The following RIPK2 variants were observed in gnomAD, a reference collection of about 807,000 sequenced individuals.
The protein encoded by RIPK2 is receptor interacting serine/threonine kinase 2.
Under a neutral mutation model 60.9 loss-of-function variants are expected in RIPK2, and 38 were observed. The observed-to-expected ratio is 0.62, with a 90% confidence interval of 0.48 to 0.82. RIPK2 has a LOEUF of 0.82. Ranked by LOEUF, RIPK2 falls within the 40% of genes least tolerant of loss-of-function variation. The pLI is 0.00. For synonymous variants in RIPK2, 225 were observed against 223.4 expected (o/e 1.01, Z -0.06); for missense variants, 518 against 647.0 (o/e 0.80, Z 2.16).
chr8:89,760,313 T>C (rs1444836906), intron 1 of RIPK2, among the ~76,000 whole-genome samples: 1 of 152,200 alleles, frequency 6.6e-6, no homozygotes, highest in South Asian at 2.1e-4. Flanking sequence ...ATCCGATGAG[T>C]GGACCTTCCC....
intron 3 of RIPK2, 52 bp from the exon 4 acceptor site, chr8:89,769,720 T>C: frequency 9.7e-6 from 13 of 1,344,914 alleles, no homozygotes; most frequent in Admixed American, 7.6e-5. Flanking sequence ...TAGTTGACTT[T>C]TGGACTTTTT....
At chr8:89,767,154 C>T (rs114055880) in intron 3 of RIPK2, among the ~76,000 whole-genome samples, 1 of 151,696 alleles carries the variant, frequency 6.6e-6, no homozygotes, top group African/African-American at 2.4e-5. Context: ...TGTGATCCAC[C>T]TTGAATTCAT....
rs1055051598 is a variant in RIPK2, at chr8:89,790,205, A to G, written c.1412A>G (p.Lys471Arg). The change falls in exon 11 of 11, where the codon AAA becomes AGA. Residue 471 changes from lysine (K) to arginine (R), a missense_variant. Transcript: ENST00000220751. ...CTTCTGTCCAGGGACTTGATCATGAAAGAGGACTATGAACTTGTTAGTACC... is the reference window on the plus strand; with the variant it reads ...CTTCTGTCCAGGGACTTGATCATGAGAGAGGACTATGAACTTGTTAGTACC... ...DALLSRDLIM[K>R]EDYELVSTKP... 3.9e-5 allele frequency: 63 copies of G among 1,614,020 alleles called. No homozygotes were observed. The highest frequency in any genetic ancestry group is 5.3e-5 in the Non-Finnish European group (62 of 1,180,006).
rs909079917 is a variant in RIPK2, at chr8:89,757,995, G to T, written c.-66G>T. On this transcript the variant is annotated 5_prime_UTR_variant, in exon 1 of 11. Transcript: ENST00000220751. ...GGGCGTATCTGGGCGCCTGAGCGCG[G>T]CGTGGGAGCCTTGGGAGCCGCCGCA... 3.4e-6 allele frequency: 5 copies of T among 1,467,240 alleles called. No individual in the cohort carries two copies. The African/African-American group carries it at 7.1e-5, about 21-fold the overall frequency. The allele number at this position is 1,467,240 out of a possible 1,614,324, so 90.9% of individuals were successfully genotyped here.
At chr8:89,764,432 G>A (rs1185342825) in intron 2 of RIPK2, among the ~76,000 whole-genome samples, 1 of 152,154 alleles carries the variant, frequency 6.6e-6, no homozygotes, top group Non-Finnish European at 1.5e-5. Context: ...TGACGCATTT[G>A]CAGAAAAACT....
chr8:89,781,354 A>ATTTTTTTTTTTC (rs1161497561), intron 7 of RIPK2, among the ~76,000 whole-genome samples: 36 of 144,038 alleles, frequency 2.5e-4, no homozygotes, highest in Admixed American at 1.9e-3. Context: ...AATAGATTGA[A>ATTTTTTTTTTTC]TTTTTTTTTT....
intron 1 of RIPK2, among the ~76,000 whole-genome samples, chr8:89,761,178 T>C (rs1809138841): frequency 6.6e-6 from 1 of 152,342 alleles, no homozygotes; most frequent in South Asian, 2.1e-4. Context: ...AAAGTAGTCC[T>C]CTTAGTCTGG....
Position 89,786,698 on chromosome 8 carries a change from T to C in RIPK2, c.1123+12T>C. 7.0e-7 allele frequency: 1 copy of C among 1,418,784 alleles called. No homozygotes were observed. The highest frequency in any genetic ancestry group is 9.8e-7 in the Non-Finnish European group (1 of 1,021,866). The allele number at this position is 1,418,784 out of a possible 1,614,324, so 87.9% of individuals were successfully genotyped here. A position where few individuals can be genotyped will look rare whatever the true frequency, so the allele number is the denominator to read the frequency against. The stretch of plus-strand genomic sequence containing the variant: ...TGATTTTTTATCTAGTATGTAGATT[T>C]TCCAATCATTATTTACTTGCAAGTT... On this transcript the variant is annotated intron_variant, in intron 9 of 10. Transcript: ENST00000220751.
At chr8:89,767,944 T>G (rs1586120744) in intron 3 of RIPK2, among the ~76,000 whole-genome samples, 1 of 151,784 alleles carries the variant, frequency 6.6e-6, no homozygotes. Flanking sequence ...TGGTGCTATG[T>G]AGATGCATCA....
At chr8:89,770,306 A>T (rs1031136391) in intron 4 of RIPK2, among the ~76,000 whole-genome samples, 1 of 151,830 alleles carries the variant, frequency 6.6e-6, no homozygotes, top group African/African-American at 2.4e-5. Context: ...ATCTTTTTAG[A>T]TAAATAGACA....
At chr8:89,770,500 T>C (rs1158647081) in intron 4 of RIPK2, among the ~76,000 whole-genome samples, 2 of 151,978 alleles carry the variant, frequency 1.3e-5, no homozygotes, top group Non-Finnish European at 1.5e-5. Flanking sequence ...ACTGGTTATT[T>C]AACCAGAATA....
At chr8:89,776,983 A>C (rs755035964) in intron 6 of RIPK2, among the ~76,000 whole-genome samples, 1 of 152,198 alleles carries the variant, frequency 6.6e-6, no homozygotes, top group African/African-American at 2.4e-5. Context: ...TCCTGCCTTG[A>C]GAGTTTCTAG....
Position 89,790,219 on chromosome 8 carries a change from C to T in RIPK2, c.1426C>T (p.Leu476Phe), listed in dbSNP as rs1214686090. 1.2e-6 allele frequency: 2 copies of T among 1,613,926 alleles called. No homozygotes were observed. The highest frequency in any genetic ancestry group is 3.3e-5 in the Admixed American group (2 of 59,990). ...CTTGATCATGAAAGAGGACTATGAA[C>T]TTGTTAGTACCAAGCCTACAAGGAC... ...RDLIMKEDYELVSTKPTRTSK... is the reference protein window; with the variant it reads ...RDLIMKEDYEFVSTKPTRTSK... The change falls in exon 11 of 11, where the codon CTT becomes TTT. Residue 476 changes from leucine to phenylalanine, a missense_variant. Leu to Phe is a conservative substitution (Grantham distance 22). Coordinates refer to ENST00000220751, the MANE Select transcript of RIPK2 (RefSeq NM_003821.6).
rs1809636855 is a variant in RIPK2, at chr8:89,789,328, T to C, written c.1131T>C (p.Ala377=). Residue 377 remains alanine, a synonymous_variant, in exon 10 of 11, where the codon GCT becomes GCC. Transcript: ENST00000220751. The part of the protein sequence containing the change: ...PQDNDFLSRK[A]QDCYFMKLHH... ...AGATGTTGTATTTTGTAGGAAAAGCTCAAGACTGTTATTTTATGAAGCTGC... is the reference window on the plus strand; with the variant it reads ...AGATGTTGTATTTTGTAGGAAAAGCCCAAGACTGTTATTTTATGAAGCTGC... The C allele has an allele frequency of 6.2e-7, 1 of 1,613,674 alleles. No individual in the cohort carries two copies. The highest frequency in any genetic ancestry group is 1.7e-5 in the Admixed American group (1 of 59,946).
intron 1 of RIPK2, among the ~76,000 whole-genome samples, chr8:89,759,810 A>G (rs917146957): frequency 6.6e-6 from 1 of 152,230 alleles, no homozygotes; most frequent in Non-Finnish European, 1.5e-5. Flanking sequence ...TGATGGACCC[A>G]TTAGGTATTG....
intron 6 of RIPK2, among the ~76,000 whole-genome samples, chr8:89,774,093 T>A (rs1248544816): frequency 6.6e-6 from 1 of 151,898 alleles, no homozygotes; most frequent in Non-Finnish European, 1.5e-5. Context: ...AAGACCTCAT[T>A]TCCAAGAAGG....
At position 89,762,920 on chromosome 8, in the gene RIPK2, G is replaced by A; in HGVS notation, c.265G>A (p.Glu89Lys). 1 of 1,532,134 alleles carries A rather than the reference G, an allele frequency of 6.5e-7. No homozygotes were observed. Among genetic ancestry groups the A allele is most frequent in the South Asian group, 1.3e-5 (1 of 74,890 alleles). The allele number at this position is 1,532,134 out of a possible 1,614,324, so 94.9% of individuals were successfully genotyped here. Residue 89 changes from glutamate (E) to lysine (K), a missense_variant, in exon 2 of 11, where the codon GAA becomes AAA. Coordinates refer to ENST00000220751, the MANE Select transcript of RIPK2 (RefSeq NM_003821.6). ...AATTTTGGGAATTTGCAATGAGCCT[G>A]AATTTTTGGGAATAGTTACTGAATA... ...LPILGICNEP[E>K]FLGIVTEYMP... is the part of the protein sequence containing the mutation.
intron 7 of RIPK2, among the ~76,000 whole-genome samples, chr8:89,783,176 A>G (rs950448244): frequency 2.0e-5 from 3 of 152,184 alleles, no homozygotes; most frequent in East Asian, 1.9e-4. Context: ...CCATTTTCCA[A>G]ATTCTGAAGA....
Position 89,784,116 on chromosome 8 carries a change from C to A in RIPK2, c.1006C>A (p.Pro336Thr). 7.9e-7 allele frequency: 1 copy of A among 1,267,874 alleles called. No individual in the cohort carries two copies. The highest frequency in any genetic ancestry group is 1.1e-6 in the Non-Finnish European group (1 of 907,048). 78.5% of individuals were successfully genotyped at this position (1,267,874 alleles called of 1,614,324 possible). A position where few individuals can be genotyped will look rare whatever the true frequency, so the allele number is the denominator to read the frequency against. ...GAAAATGGAATTATCTCTGAACATA[C>A]CTGTAAATCATGGTCCACAAGAGGT... ...KKKMELSLNIPVNHGPQEESC... is the reference protein window; with the variant it reads ...KKKMELSLNITVNHGPQEESC... Residue 336 changes from proline (P) to threonine (T), a missense_variant, in exon 8 of 11, where the codon CCT (proline) becomes ACT (threonine). Physicochemically the swap from Pro to Thr is conservative, Grantham distance 38. Transcript: ENST00000220751.
Sources: gnomAD v4.1 joint callset for allele counts (sites outside exome capture counted in the v4.1 genomes callset) on GRCh38, gnomAD v4.1.1 for gene constraint, MANE v1.5 for transcripts, NCBI Gene and HGNC (gene_info 2026-07-23, HGNC 2026-07-21) for gene names.